Variants in MMRN1 observed in about 807,000 individuals in gnomAD.
MMRN1 encodes multimerin-1.
In MMRN1, 94 loss-of-function variants were observed where a neutral mutation model predicts 100.7. The ratio of observed to expected loss-of-function variants is 0.93; its 90% CI spans 0.79 to 1.11. The LOEUF (loss-of-function observed/expected upper bound fraction) is 1.11. Ranked by LOEUF, MMRN1 falls within the 50% of genes least tolerant of loss-of-function variation. MMRN1 has a pLI of 0.00. For synonymous variants in MMRN1, 575 were observed against 505.0 expected (o/e 1.14, Z -1.86); for missense variants, 1,606 against 1,439.1 (o/e 1.12, Z -1.88).
At chr4:89,939,215 A>G (rs771550173) in intron 6 of MMRN1, among the ~76,000 whole-genome samples, 41 of 152,152 alleles carry the variant, frequency 2.7e-4, no homozygotes, top group Non-Finnish European at 5.7e-4. Context: ...TTGATATTGT[A>G]TAAGTATTAT....
At chr4:89,901,531 G>T (rs915101025) in intron 1 of MMRN1, among the ~76,000 whole-genome samples, 1 of 151,974 alleles carries the variant, frequency 6.6e-6, no homozygotes, top group African/African-American at 2.4e-5. Flanking sequence ...TATCTGATCA[G>T]CTAAATTCTT....
rs772184883 is a variant in MMRN1 at position 89,936,062 on chromosome 4, G to A, written c.2382G>A (p.Gln794=). ...TTCAGACTTTGGTCAATGACAATCA[G>A]AGATATAACTTTGTTTTGCAAGTCG... The part of the protein sequence containing the change: ...DSIQTLVNDN[Q]RYNFVLQVAK... The change falls in exon 6 of 8, where the codon CAG becomes CAA. Residue 794 remains glutamine (Q), a synonymous_variant. Transcript: ENST00000264790. The A allele has an allele frequency of 8.1e-6, 13 of 1,611,710 alleles. No homozygotes were observed. In the African/African-American group the frequency reaches 1.6e-4, roughly 20 times the overall value.
At position 89,895,403 on chromosome 4, in the gene MMRN1, C is replaced by G; in HGVS notation, c.432C>G (p.Ser144Arg). The change falls in exon 1 of 8, where the codon AGC becomes AGG. Residue 144 changes from serine (S) to arginine (R), a missense_variant. Physicochemically the swap from Ser to Arg is moderately radical, Grantham distance 110. Coordinates refer to ENST00000264790, the MANE Select transcript of MMRN1 (RefSeq NM_007351.3). Reference protein sequence around the residue: ...LSNSTLKFLQSFARKSNEQAT... With the variant: ...LSNSTLKFLQRFARKSNEQAT... ...ATTCTACACTGAAATTTCTTCAGAG[C>G]TTTGCCAGAAAGTCAAATGAACAAG... 2 of 1,613,884 alleles carry G rather than the reference C, an allele frequency of 1.2e-6. No individual in the cohort carries two copies. Among genetic ancestry groups the G allele is most frequent in the South Asian group, 1.1e-5 (1 of 91,076 alleles).
intron 1 of MMRN1, among the ~76,000 whole-genome samples, chr4:89,900,478 A>T (rs1009805303): frequency 1.3e-5 from 2 of 152,000 alleles, no homozygotes; most frequent in South Asian, 4.2e-4. Flanking sequence ...TTACCACCCA[A>T]TGTAAAGTTA....
upstream of MMRN1, among the ~76,000 whole-genome samples, chr4:89,893,753 G>T (rs1172451135): frequency 6.6e-6 from 1 of 152,048 alleles, no homozygotes; most frequent in African/African-American, 2.4e-5. Context: ...TGCACAGAAT[G>T]AGGGGTTATG....
At chr4:89,906,913 A>G (rs2110592209) in intron 1 of MMRN1, among the ~76,000 whole-genome samples, 1 of 151,522 alleles carries the variant, frequency 6.6e-6, no homozygotes, top group South Asian at 2.1e-4. Context: ...GGTCTCTGCC[A>G]GGTGACACTA....
intron 5 of MMRN1, among the ~76,000 whole-genome samples, chr4:89,931,152 A>G (rs1722419894): frequency 6.6e-6 from 1 of 152,038 alleles, no homozygotes; most frequent in African/African-American, 2.4e-5. Flanking sequence ...TATCTTTCCC[A>G]TTTTATTTTC....
chr4:89,907,908 T>C (rs1010804081), intron 1 of MMRN1, among the ~76,000 whole-genome samples: 1 of 151,190 alleles, frequency 6.6e-6, no homozygotes, highest in African/African-American at 2.4e-5. Flanking sequence ...GTTAGTTTTG[T>C]CTGCTTTTCA....
chr4:89,882,063 A>G (rs932204979), intron 1 of MMRN1, among the ~76,000 whole-genome samples: 2 of 151,822 alleles, frequency 1.3e-5, no homozygotes, highest in East Asian at 3.9e-4. Context: ...GGTGATGTTG[A>G]TGTATCACAA....
At chr4:89,922,132 G>A (rs1453314197) in intron 3 of MMRN1, among the ~76,000 whole-genome samples, 5 of 151,892 alleles carry the variant, frequency 3.3e-5, no homozygotes, top group African/African-American at 1.2e-4. Context: ...GATTGGCAGA[G>A]TCCTGCTCTA....
intron 3 of MMRN1, among the ~76,000 whole-genome samples, chr4:89,915,390 G>A (rs946328349): frequency 3.3e-5 from 5 of 151,480 alleles, no homozygotes; most frequent in Non-Finnish European, 5.9e-5. Context: ...AGCTTAACAT[G>A]TACACCGAAC....
chr4:89,902,169 A>T (rs1721411475), intron 1 of MMRN1: 1 of 123,688 alleles, frequency 8.1e-6, no homozygotes, highest in Non-Finnish European at 1.7e-5. Context: ...CACTCTGGGG[A>T]CTGTGGTGGG....
intron 5 of MMRN1, among the ~76,000 whole-genome samples, chr4:89,929,922 A>G (rs570609561): frequency 3.3e-5 from 5 of 152,268 alleles, no homozygotes; most frequent in African/African-American, 9.6e-5. Flanking sequence ...TGAAAATCAA[A>G]TGTCTCAACT....
At chr4:89,924,279 T>G (rs1051826630) in intron 4 of MMRN1, among the ~76,000 whole-genome samples, 2 of 151,754 alleles carry the variant, frequency 1.3e-5, no homozygotes, top group African/African-American at 4.9e-5. Context: ...TGTTTCTTTT[T>G]GAGAGTGTAA....
chr4:89,887,109 T>C (rs193100935), intron 1 of MMRN1, among the ~76,000 whole-genome samples: 14 of 152,174 alleles, frequency 9.2e-5, no homozygotes, highest in Middle Eastern at 3.4e-3. Flanking sequence ...CATGTGTATG[T>C]TTTTGAAGCC....
chr4:89,906,081 A>G (rs933917211), intron 1 of MMRN1, among the ~76,000 whole-genome samples: 3 of 151,526 alleles, frequency 2.0e-5, no homozygotes, highest in African/African-American at 7.3e-5. Context: ...CACTCAGTTC[A>G]GGATAAGAAT....
chr4:89,904,733 A>G (rs974717978), intron 1 of MMRN1, among the ~76,000 whole-genome samples: 23 of 151,782 alleles, frequency 1.5e-4, no homozygotes, highest in African/African-American at 5.5e-4. Context: ...GATACATGAT[A>G]TTTTAATGAC....
intron 3 of MMRN1, among the ~76,000 whole-genome samples, chr4:89,921,178 TAGCCAAAAAGGTA>T: frequency 6.6e-6 from 1 of 152,210 alleles, no homozygotes; most frequent in East Asian, 1.9e-4. Context: ...TCCTATGATC[TAGCCAAAAAGGTA>T]AGCAGCAAAT....
upstream of MMRN1, chr4:89,894,808 G>A (rs1422334875): frequency 1.0e-5 from 13 of 1,279,298 alleles, no homozygotes; most frequent in South Asian, 3.7e-5. Flanking sequence ...ACAGGAAACC[G>A]AACTTCCTGA....
Sources: allele counts gnomAD v4.1 joint callset (sites outside exome capture counted in the v4.1 genomes callset), GRCh38; gene constraint gnomAD v4.1.1; transcripts MANE v1.5; gene names NCBI Gene and HGNC (gene_info 2026-07-23, HGNC 2026-07-21).